LOC122539214: variants seen among roughly 807,000 people sequenced by gnomAD.
chr19:52,683,027 C>G, the LOC122539214 span, among the ~76,000 whole-genome samples: 1 of 152,030 alleles, frequency 6.6e-6, no homozygotes, highest in Non-Finnish European at 1.5e-5. Context: ...TGTGCCACCA[C>G]ACCCAGCTAA....
At chr19:52,663,170 GA>G in the LOC122539214 span, among the ~76,000 whole-genome samples, 144 of 148,472 alleles carry the variant, frequency 9.7e-4, 1 homozygote, top group African/African-American at 3.2e-3. Flanking sequence ...CTCAAAAAAG[GA>G]AAAAAAAAAT....
chr19:52,661,280 A>G, the LOC122539214 span, among the ~76,000 whole-genome samples: 1 of 152,200 alleles, frequency 6.6e-6, no homozygotes, highest in Admixed American at 6.5e-5. Context: ...TCATGCAGAG[A>G]TAAGAAAGCC....
the LOC122539214 span, among the ~76,000 whole-genome samples, chr19:52,683,355 C>T: frequency 2.6e-5 from 4 of 152,012 alleles, no homozygotes; most frequent in African/African-American, 9.7e-5. Flanking sequence ...GAGGAGGTGG[C>T]CCTCGGGCTG....
At chr19:52,652,795 C>A in the LOC122539214 span, 2 of 876,014 alleles carry the variant, frequency 2.3e-6, no homozygotes. Flanking sequence ...GGCTTTGCCA[C>A]ACTCATTGCA....
chr19:52,675,988 A>G, the LOC122539214 span, among the ~76,000 whole-genome samples: 1 of 152,124 alleles, frequency 6.6e-6, no homozygotes, highest in Non-Finnish European at 1.5e-5. Context: ...TCAGGAGTTC[A>G]GGACAGCCTG....
the LOC122539214 span, among the ~76,000 whole-genome samples, chr19:52,687,529 TA>T: frequency 1.7e-4 from 10 of 57,214 alleles, 3 homozygotes; most frequent in African/African-American, 3.7e-4. Context: ...ATTTTATATA[TA>T]AATTATATAT....
the LOC122539214 span, among the ~76,000 whole-genome samples, chr19:52,672,028 G>A: frequency 6.6e-6 from 1 of 152,118 alleles, no homozygotes; most frequent in African/African-American, 2.4e-5. Context: ...GAGGTCAGGA[G>A]ATTGAGACTA....
the LOC122539214 span, among the ~76,000 whole-genome samples, chr19:52,686,253 C>A: frequency 1.3e-5 from 2 of 151,878 alleles, no homozygotes; most frequent in Non-Finnish European, 2.9e-5. Context: ...TAATTTCAAA[C>A]CGAAACTATT....
chr19:52,662,283 T>C, the LOC122539214 span, among the ~76,000 whole-genome samples: 7 of 152,134 alleles, frequency 4.6e-5, no homozygotes, highest in Non-Finnish European at 7.3e-5. Flanking sequence ...ATCTGAGACA[T>C]GTAGGACTGC....
At chr19:52,652,270 T>G in the LOC122539214 span, 118,617 of 236,918 alleles carry the variant, frequency 0.5, 30,772 homozygotes, top group East Asian at 0.71. Context: ...ACCCTGTCTC[T>G]ACTAAAAACA....
At chr19:52,687,145 C>T in the LOC122539214 span, among the ~76,000 whole-genome samples, 2 of 149,080 alleles carry the variant, frequency 1.3e-5, no homozygotes, top group African/African-American at 5.0e-5. Context: ...TGCAACATTG[C>T]CCTCCAGCCT....
At chr19:52,676,076 C>T in the LOC122539214 span, among the ~76,000 whole-genome samples, 2 of 152,034 alleles carry the variant, frequency 1.3e-5, no homozygotes, top group Non-Finnish European at 2.9e-5. Flanking sequence ...ACTGCAACCT[C>T]CCTGCCTGAT....
chr19:52,653,843 C>A, the LOC122539214 span, among the ~76,000 whole-genome samples: 40,501 of 152,160 alleles, frequency 0.27, 5,649 homozygotes, highest in Middle Eastern at 0.35. Flanking sequence ...GAATGGGTTA[C>A]ATGATGTCTT....
chr19:52,660,373 AAC>A, the LOC122539214 span, among the ~76,000 whole-genome samples: 1 of 151,884 alleles, frequency 6.6e-6, no homozygotes, highest in Non-Finnish European at 1.5e-5. Context: ...TATTCTTAGC[AAC>A]AGTGAAAAAC....
chr19:52,686,271 T>G, the LOC122539214 span, among the ~76,000 whole-genome samples: 1 of 152,010 alleles, frequency 6.6e-6, no homozygotes, highest in African/African-American at 2.4e-5. Flanking sequence ...ATTTTTAAAT[T>G]GTTTTAAAAA....
At chr19:52,687,595 TA>T in the LOC122539214 span, among the ~76,000 whole-genome samples, 219 of 33,238 alleles carry the variant, frequency 6.6e-3, 27 homozygotes, top group African/African-American at 0.065. Context: ...TATATATATA[TA>T]ATGTATATAT....
At chr19:52,677,306 TAAAAAAAAAA>T in the LOC122539214 span, among the ~76,000 whole-genome samples, 97 of 106,464 alleles carry the variant, frequency 9.1e-4, 1 homozygote, top group Admixed American at 7.4e-3. Context: ...AATTGAGAAG[TAAAAAAAAAA>T]AAAAAAAAAA....
At chr19:52,681,295 A>AAAAAAAAAAAAAAAAAAAAAAAAAC in the LOC122539214 span, among the ~76,000 whole-genome samples, 1 of 151,038 alleles carries the variant, frequency 6.6e-6, no homozygotes, top group Non-Finnish European at 1.5e-5. Flanking sequence ...AAAAAAAAAA[A>AAAAAAAAAAAAAAAAAAAAAAAAAC]AAAAAAGCAA....
the LOC122539214 span, among the ~76,000 whole-genome samples, chr19:52,677,435 G>A: frequency 6.6e-6 from 1 of 151,730 alleles, no homozygotes; most frequent in East Asian, 1.9e-4. Flanking sequence ...GCAGTGAGCT[G>A]AGATGTGGCC....
Sources: gnomAD v4.1 joint callset for allele counts (sites outside exome capture counted in the v4.1 genomes callset) on GRCh38, gnomAD v4.1.1 for gene constraint, MANE v1.5 for transcripts.